LRP1B: variants seen among roughly 807,000 people sequenced by gnomAD.
LRP1B encodes LDL receptor related protein 1B.
In LRP1B, 217 loss-of-function variants were observed where a neutral mutation model predicts 556.6. The observed-to-expected ratio is 0.39, with a 90% CI of 0.35 to 0.44. LRP1B has a LOEUF of 0.44. Ranked by LOEUF, LRP1B falls within the 20% of genes least tolerant of loss-of-function variation. The pLI is 1.00. For synonymous variants in LRP1B, 2,047 were observed against 1,865.8 expected (o/e 1.10, Z -2.50); for missense variants, 5,053 against 5,620.8 (o/e 0.90, Z 3.23).
At chr2:140,316,297 T>C (rs1008054280) in intron 82 of LRP1B, among the ~76,000 whole-genome samples, 2 of 152,124 alleles carry the variant, frequency 1.3e-5, no homozygotes, top group Non-Finnish European at 2.9e-5. Context: ...TGATCCTTTT[T>C]CAAGATGCAC....
chr2:140,460,336 T>C (rs2105327928), intron 60 of LRP1B, among the ~76,000 whole-genome samples: 1 of 152,270 alleles, frequency 6.6e-6, no homozygotes, highest in Non-Finnish European at 1.5e-5. Context: ...TAGTATTTTT[T>C]CATAGCAACA....
intron 53 of LRP1B, among the ~76,000 whole-genome samples, chr2:140,504,871 C>G (rs1054038486): frequency 6.6e-5 from 10 of 152,190 alleles, no homozygotes; most frequent in African/African-American, 2.2e-4. Context: ...CTCTATGGCT[C>G]CTTTGCTCCA....
chr2:141,466,187 T>C (rs898587282), intron 3 of LRP1B, among the ~76,000 whole-genome samples: 5 of 152,184 alleles, frequency 3.3e-5, no homozygotes, highest in Non-Finnish European at 7.3e-5. Flanking sequence ...GCGCCCGGCC[T>C]AAATATTTTT....
chr2:140,926,894 G>T (rs1694902511), intron 20 of LRP1B, among the ~76,000 whole-genome samples: 1 of 152,074 alleles, frequency 6.6e-6, no homozygotes, highest in Non-Finnish European at 1.5e-5. Context: ...CCCATCCTGT[G>T]TAACTTGCAT....
intron 31 of LRP1B, among the ~76,000 whole-genome samples, chr2:140,816,337 C>T (rs534920553): frequency 1.1e-4 from 16 of 151,940 alleles, no homozygotes; most frequent in Admixed American, 2.0e-4. Context: ...AGGATGGTCT[C>T]GATCTCTTGA....
chr2:141,242,382 TTC>T (rs967746784), intron 5 of LRP1B, among the ~76,000 whole-genome samples: 143 of 152,104 alleles, frequency 9.4e-4, no homozygotes, highest in African/African-American at 3.2e-3. Context: ...GTTTATTTTT[TTC>T]TCTCTCTCTC....
At chr2:140,326,542 C>A (rs981311276) in intron 79 of LRP1B, among the ~76,000 whole-genome samples, 1 of 151,994 alleles carries the variant, frequency 6.6e-6, no homozygotes, top group Non-Finnish European at 1.5e-5. Flanking sequence ...TGGTGAAACC[C>A]TGTCTCTACT....
At chr2:141,797,086 TC>T (rs1695838220) in intron 2 of LRP1B, among the ~76,000 whole-genome samples, 1 of 146,774 alleles carries the variant, frequency 6.8e-6, no homozygotes, top group Non-Finnish European at 1.5e-5. Context: ...ACTCATGAAT[TC>T]TATAAAGAAG....
intron 5 of LRP1B, among the ~76,000 whole-genome samples, chr2:141,233,673 G>T (rs1402297669): frequency 6.6e-6 from 1 of 151,962 alleles, no homozygotes; most frequent in African/African-American, 2.4e-5. Flanking sequence ...ATATGATTTT[G>T]ATATATATGT....
chr2:140,566,245 C>A (rs1006854942), intron 43 of LRP1B, among the ~76,000 whole-genome samples: 2 of 152,172 alleles, frequency 1.3e-5, no homozygotes, highest in African/African-American at 4.8e-5. Flanking sequence ...GTCCTCCACC[C>A]TACCCTTCCC....
chr2:140,271,530 G>T (rs1682462051), intron 85 of LRP1B, among the ~76,000 whole-genome samples: 1 of 151,946 alleles, frequency 6.6e-6, no homozygotes, highest in Admixed American at 6.6e-5. Context: ...CCTCATGTGG[G>T]TTGTGTAGCT....
At chr2:141,437,121 C>A (rs1160746689) in intron 3 of LRP1B, among the ~76,000 whole-genome samples, 1 of 152,060 alleles carries the variant, frequency 6.6e-6, no homozygotes, top group African/African-American at 2.4e-5. Flanking sequence ...TCTCCCCTGG[C>A]TAAGCATAAG....
intron 72 of LRP1B, among the ~76,000 whole-genome samples, chr2:140,360,265 C>T (rs1247650057): frequency 6.6e-6 from 1 of 151,500 alleles, no homozygotes; most frequent in Non-Finnish European, 1.5e-5. Flanking sequence ...AGCAATATTG[C>T]TTTATTACAG....
At chr2:141,346,057 T>G (rs1051854407) in intron 3 of LRP1B, among the ~76,000 whole-genome samples, 1 of 152,026 alleles carries the variant, frequency 6.6e-6, no homozygotes, top group African/African-American at 2.4e-5. Flanking sequence ...TGTTTCAGGA[T>G]AGTAATATAT....
At chr2:141,110,227 T>C (rs1174772963) in intron 7 of LRP1B, among the ~76,000 whole-genome samples, 2 of 152,080 alleles carry the variant, frequency 1.3e-5, no homozygotes, top group Non-Finnish European at 2.9e-5. Context: ...GGTCTACACA[T>C]AAAGCCAAAG....
At chr2:140,784,376 C>CCACCCACACA (rs770896718) in intron 32 of LRP1B, among the ~76,000 whole-genome samples, 2 of 126,574 alleles carry the variant, frequency 1.6e-5, no homozygotes, top group African/African-American at 5.8e-5. Context: ...GATTCTGCCT[C>CCACCCACACA]CACACACACA....
At position 140,501,575 on chromosome 2, in the gene LRP1B, C is replaced by A. The variant is rs551853169; in HGVS notation, c.8850+112G>T. ...TCATATCGACACTCTCCATTCAATT[C>A]GTTTTAATATTATGATGGCTTTTAA... On this transcript the variant is annotated intron_variant, in intron 55 of 90. Transcript: ENST00000389484. 47 of 650,336 alleles carry A rather than the reference C, an allele frequency of 7.2e-5. No individual in the cohort carries two copies. The Middle Eastern group carries it at 1.7e-3, about 24-fold the overall frequency. 40.3% of individuals were successfully genotyped at this position (650,336 alleles called of 1,614,324 possible).
chr2:140,588,293 G>A (rs1419199555), intron 43 of LRP1B, among the ~76,000 whole-genome samples: 1 of 152,140 alleles, frequency 6.6e-6, no homozygotes, highest in African/African-American at 2.4e-5. Context: ...ACAAACAGGG[G>A]AGGCTAAAGA....
intron 3 of LRP1B, among the ~76,000 whole-genome samples, chr2:141,390,204 A>T (rs1272109764): frequency 6.6e-6 from 1 of 152,174 alleles, no homozygotes; most frequent in Non-Finnish European, 1.5e-5. Flanking sequence ...GCTCAACATC[A>T]TTCATCATAA....
Sources: allele counts gnomAD v4.1 joint callset (sites outside exome capture counted in the v4.1 genomes callset), GRCh38; gene constraint gnomAD v4.1.1; transcripts MANE v1.5; gene names NCBI Gene and HGNC (gene_info 2026-07-23, HGNC 2026-07-21).